The following AFF4 variants were observed in gnomAD, a reference collection of about 807,000 sequenced individuals.
The protein encoded by AFF4 is ALF transcription elongation factor 4.
A neutral mutation model predicts 124.8 loss-of-function variants in AFF4; 13 were observed. The observed-to-expected ratio is 0.10, with a 90% confidence interval of 0.07 to 0.17. The LOEUF is 0.17. AFF4 is among the 10% of genes least tolerant of loss of function. AFF4 has a pLI of 1.00. For synonymous variants in AFF4, 477 were observed against 496.1 expected (o/e 0.96, Z 0.51); for missense variants, 1,092 against 1,403.8 (o/e 0.78, Z 3.55).
chr5:132,887,857 C>G lies in AFF4; in HGVS notation c.2922G>C (p.Val974=). ...GTTTTTCCACTTACTTGATGAGATC[C>G]ACCGTCTCTGAATACATAGGGAATG... ...KSPFPMYSET[V]DLIKYTMKLK... The change falls in exon 16 of 21, where the codon GTG becomes GTC. Residue 974 remains valine (V), a synonymous_variant. Transcript: ENST00000265343. 1 of 1,613,242 alleles carries G rather than the reference C, an allele frequency of 6.2e-7. No homozygotes were observed. The highest frequency in any genetic ancestry group is 8.5e-7 in the Non-Finnish European group (1 of 1,179,782).
intron 1 of AFF4, among the ~76,000 whole-genome samples, chr5:132,954,578 C>T (rs1466775136): frequency 2.3e-5 from 3 of 133,326 alleles, no homozygotes; most frequent in Non-Finnish European, 4.8e-5. Flanking sequence ...GACGGAGTCT[C>T]GCTCTGTCGC....
intron 5 of AFF4, among the ~76,000 whole-genome samples, chr5:132,924,747 CAAG>C (rs1761129524): frequency 6.6e-6 from 1 of 151,288 alleles, no homozygotes; most frequent in African/African-American, 2.4e-5. Flanking sequence ...CTCAGCTACT[CAAG>C]AAGATGAGGC....
At chr5:132,955,813 T>TATAC (rs1554079228) in intron 1 of AFF4, among the ~76,000 whole-genome samples, 109 of 137,396 alleles carry the variant, frequency 7.9e-4, no homozygotes, top group Middle Eastern at 3.8e-3. Context: ...TATATATATA[T>TATAC]ACACACACAC....
intron 5 of AFF4, among the ~76,000 whole-genome samples, chr5:132,906,035 C>T (rs1422640045): frequency 8.5e-5 from 13 of 152,194 alleles, no homozygotes; most frequent in Admixed American, 7.2e-4. Flanking sequence ...AGATTTCTCA[C>T]ACCTGTCATC....
At chr5:132,926,238 G>A (rs200533721) in intron 5 of AFF4, 186 of 483,674 alleles carry the variant, frequency 3.8e-4, no homozygotes, top group East Asian at 1.5e-3. Flanking sequence ...GCTCTGTTGG[G>A]ATGAAGGGGA....
chr5:132,941,494 T>C (rs1015723185), intron 1 of AFF4, among the ~76,000 whole-genome samples: 13 of 152,004 alleles, frequency 8.6e-5, no homozygotes, highest in African/African-American at 2.7e-4. Context: ...CCACCACACC[T>C]GGCTAACTTT....
rs1182703649 is a variant in AFF4 at position 132,880,502 on chromosome 5, A to G, written c.*557T>C. The G allele has an allele frequency of 1.3e-5, 5 of 396,630 alleles. No homozygotes were observed. In the East Asian group the frequency reaches 1.8e-4, roughly 14 times the overall value. 24.6% of individuals were successfully genotyped at this position (396,630 alleles called of 1,614,324 possible). A position where few individuals can be genotyped will look rare whatever the true frequency, so the allele number is the denominator to read the frequency against. ...TACTAACTGTAAATTCCACAATAAT[A>G]AAATTGGAGTTAAGATTTCAAATAT... On this transcript the variant is annotated 3_prime_UTR_variant, in exon 21 of 21. Coordinates refer to ENST00000265343, the MANE Select transcript of AFF4 (RefSeq NM_014423.4).
At chr5:132,955,847 G>C (rs1371766711) in intron 1 of AFF4, among the ~76,000 whole-genome samples, 4 of 138,944 alleles carry the variant, frequency 2.9e-5, no homozygotes, top group Admixed American at 7.4e-5. Context: ...ACATATACAT[G>C]TATTACATAG....
At chr5:132,953,794 C>T (rs1761893234) in intron 1 of AFF4, among the ~76,000 whole-genome samples, 1 of 152,130 alleles carries the variant, frequency 6.6e-6, no homozygotes, top group Non-Finnish European at 1.5e-5. Flanking sequence ...TCAAAACACA[C>T]CACATTTTAT....
At chr5:132,916,946 G>C (rs1760926840) in intron 5 of AFF4, among the ~76,000 whole-genome samples, 1 of 151,720 alleles carries the variant, frequency 6.6e-6, no homozygotes, top group Non-Finnish European at 1.5e-5. Context: ...TTGAGATAGA[G>C]TTTCGCTCTT....
intron 5 of AFF4, among the ~76,000 whole-genome samples, chr5:132,917,443 T>G (rs1300952956): frequency 6.6e-6 from 1 of 152,108 alleles, no homozygotes; most frequent in Non-Finnish European, 1.5e-5. Flanking sequence ...TACTTTCTCC[T>G]CTATGATAAA....
chr5:132,896,819 G>A lies in AFF4; in HGVS notation c.1811C>T (p.Ala604Val). 1 of 1,613,998 alleles carries A rather than the reference G, an allele frequency of 6.2e-7. No individual in the cohort carries two copies. Among genetic ancestry groups the A allele is most frequent in the East Asian group, 2.2e-5 (1 of 44,888 alleles). ...ATTGGGTTTCCTTGAGCCTTTGGTG[G>A]CTGCTTTGTGTCTGCTGGAGGGCAT... Reference protein sequence around the residue: ...SSMPSSRHKAATKGSRKPNIK... With the variant: ...SSMPSSRHKAVTKGSRKPNIK... Residue 604 changes from alanine to valine, a missense_variant, in exon 11 of 21, where the codon GCC (alanine) becomes GTC (valine). This residue lies in a region of AFF4 where 174 missense variants were observed against 205.9 expected (regional missense o/e 0.84). Transcript: ENST00000265343.
At chr5:132,923,395 AG>A (rs397883621) in intron 5 of AFF4, among the ~76,000 whole-genome samples, 1 of 151,828 alleles carries the variant, frequency 6.6e-6, no homozygotes, top group Non-Finnish European at 1.5e-5. Context: ...AGAGAGAGAG[AG>A]AGAAAGCAAG....
rs1003277559 is a variant in AFF4 at position 132,896,468 on chromosome 5, T to C, written c.2162A>G (p.Asn721Ser). 7 of 1,614,210 alleles carry C rather than the reference T, an allele frequency of 4.3e-6. No homozygotes were observed. Among genetic ancestry groups the C allele is most frequent in the Non-Finnish European group, 5.1e-6 (6 of 1,180,030 alleles). ...RYPLIVKIDLNLLTRIPGKPY... is the reference protein window; with the variant it reads ...RYPLIVKIDLSLLTRIPGKPY... ...CTTTCCTGGTATTCTAGTCAAAAGA[T>C]TCAGGTCAATCTTCACAATAAGTGG... The change falls in exon 11 of 21, where the codon AAT (asparagine) becomes AGT (serine). Residue 721 changes from asparagine (N) to serine (S), a missense_variant. Transcript: ENST00000265343.
intron 8 of AFF4, 75 bp downstream of exon 8, chr5:132,899,512 A>T: frequency 7.7e-7 from 1 of 1,299,712 alleles, no homozygotes; most frequent in Non-Finnish European, 1.1e-6. Context: ...TAAATGCATT[A>T]TTCAATTATC....
intron 5 of AFF4, among the ~76,000 whole-genome samples, chr5:132,924,798 T>C (rs1761130957): frequency 6.6e-6 from 1 of 151,858 alleles, no homozygotes; most frequent in Admixed American, 6.6e-5. Context: ...GAGGTTGCAG[T>C]GAGTCGAGAT....
rs1168489577 is a variant in AFF4 at position 132,957,041 on chromosome 5, A to C, written c.-5+6218T>G. ...TCTCAAAAAAAAAAAAAAAAAAAAA[A>C]AAAAAAAACAGAAAAATGGCCAGGT... On this transcript the variant is annotated intron_variant, in intron 1 of 20. Transcript: ENST00000265343. 1.1e-4 allele frequency among the ~76,000 whole-genome samples: 16 copies of C among 149,686 alleles called. No homozygotes were observed. The South Asian group carries it at 2.1e-3, about 20-fold the overall frequency.
chr5:132,959,028 G>A (rs1325611618), intron 1 of AFF4, among the ~76,000 whole-genome samples: 5 of 152,060 alleles, frequency 3.3e-5, no homozygotes, highest in Admixed American at 1.3e-4. Flanking sequence ...AATAAGCTAC[G>A]TTTCCTTGCC....
chr5:132,941,414 A>G (rs1408369151), intron 1 of AFF4, among the ~76,000 whole-genome samples: 2 of 152,094 alleles, frequency 1.3e-5, no homozygotes, highest in African/African-American at 4.8e-5. Context: ...GCTCACTGCA[A>G]CCTCAGACTC....
Sources: gnomAD v4.1 joint callset for allele counts (sites outside exome capture counted in the v4.1 genomes callset) on GRCh38, gnomAD v4.1.1 for gene constraint, gnomAD v4.1.1 regional missense constraint, MANE v1.5 for transcripts, NCBI Gene and HGNC (gene_info 2026-07-23, HGNC 2026-07-21) for gene names.